The following NOL6 variants were observed in gnomAD, a reference collection of about 807,000 sequenced individuals.
NOL6 encodes the protein nucleolar RNA-associated protein.
Under a neutral mutation model 131.7 loss-of-function variants are expected in NOL6, and 33 were observed. The observed-to-expected ratio is 0.25, with a 90% CI of 0.19 to 0.33. The LOEUF (loss-of-function observed/expected upper bound fraction) is 0.33, where lower values mean the gene tolerates loss of function less well. NOL6 is among the 10% of genes least tolerant of loss of function. NOL6 has a pLI of 1.00. For missense variants in NOL6, 1,297 were observed against 1,494.5 expected, an observed-to-expected ratio of 0.87 and a Z score of 2.18; for synonymous variants, 580 against 605.7, an observed-to-expected ratio of 0.96 and a Z score of 0.62.
At chr9:33,463,710 C>T in intron 23 of NOL6, 121 bp downstream of exon 23, 1 of 1,093,200 alleles carries the variant, frequency 9.1e-7, no homozygotes. Flanking sequence ...GCAGCTTCAA[C>T]ACCTCCTCTG....
chr9:33,466,141 A>T lies in NOL6; in HGVS notation c.2294T>A (p.Leu765Gln). ...ATGCTGTTGTGTCAACAGCTCTGCCAGGCGCAGCTGGAAGGCAGCTCGGAC... is the reference window on the plus strand; with the variant it reads ...ATGCTGTTGTGTCAACAGCTCTGCCTGGCGCAGCTGGAAGGCAGCTCGGAC... ...QRVRAAFQLR[L>Q]AELLTQQHGL... is the part of the protein sequence containing the mutation. The change falls in exon 18 of 26, where the codon CTG becomes CAG. Residue 765 changes from leucine to glutamine, a missense_variant. Leu to Gln is a moderately radical substitution (Grantham distance 113, BLOSUM62 -2). Transcript: ENST00000297990. The T allele has an allele frequency of 6.2e-7, 1 of 1,613,168 alleles. No individual in the cohort carries two copies. The highest frequency in any genetic ancestry group is 8.5e-7 in the Non-Finnish European group (1 of 1,179,694).
In NOL6 at chr9:33,471,951, C is replaced by T. The variant is rs560951696; in HGVS notation, c.378+53G>A. 4.0e-6 allele frequency: 5 copies of T among 1,237,516 alleles called. No individual in the cohort carries two copies. The Admixed American group carries it at 5.0e-5, about 12-fold the overall frequency. The allele number at this position is 1,237,516 out of a possible 1,614,324, so 76.7% of individuals were successfully genotyped here. On this transcript the variant is annotated intron_variant, in intron 3 of 25. Transcript: ENST00000297990. Reference sequence around the variant, plus strand: ...AACAGCAAGGCCCCTGTTTGATATACCCCCACTGGAGGTCTCTCTTGGGCT... The same window carrying T: ...AACAGCAAGGCCCCTGTTTGATATATCCCCACTGGAGGTCTCTCTTGGGCT...
Position 33,463,240 on chromosome 9 carries a change from G to A in NOL6, c.3189+7C>T, listed in dbSNP as rs1827145946. On this transcript the variant is annotated splice_region_variant and intron_variant, in intron 24 of 25. Transcript: ENST00000297990. Reference sequence around the variant, plus strand: ...CTCCCCAGGTCATTCAGCTGTTTAGGACCAACCCTGAGCTGCGTCAGATAG... The same window carrying A: ...CTCCCCAGGTCATTCAGCTGTTTAGAACCAACCCTGAGCTGCGTCAGATAG... 2 of 1,613,348 alleles carry A rather than the reference G, an allele frequency of 1.2e-6. No homozygotes were observed. The highest frequency in any genetic ancestry group is 2.2e-5 in the South Asian group (2 of 91,004).
intron 5 of NOL6, 37 bp from the exon 6 acceptor site, chr9:33,469,378 C>A (rs1325229942): frequency 1.7e-5 from 27 of 1,613,232 alleles, no homozygotes; most frequent in South Asian, 3.3e-5. Flanking sequence ...TCTGCAGGAG[C>A]CCTTGGAGCC....
At chr9:33,463,519 C>A (rs1370672444) in intron 23 of NOL6, 78 bp from the exon 24 acceptor site, 1 of 1,337,028 alleles carries the variant, frequency 7.5e-7, no homozygotes, top group Non-Finnish European at 1.0e-6. Context: ...CACACGCCCA[C>A]CTTGGTTTCC....
chr9:33,465,344 GTGC>G lies in NOL6; in HGVS notation c.2541_2543del (p.Gln847del), dbSNP rs1392246886. On this transcript the variant is annotated inframe_deletion, in exon 20 of 26. Transcript: ENST00000297990. ...GCCGTGCCACACCAGAGAAGGCTGG[GTGC>G]TGCTGCTGCAGTCTGCAGAGAGAAG... 6.3e-7 allele frequency: 1 copy of G among 1,590,028 alleles called. No homozygotes were observed.
intron 1 of NOL6, among the ~76,000 whole-genome samples, chr9:33,473,161 C>T (rs540481205): frequency 1.3e-5 from 2 of 152,146 alleles, no homozygotes; most frequent in South Asian, 2.1e-4. Context: ...TCAGTTTACA[C>T]TAAATACTCA....
Position 33,462,618 on chromosome 9 carries a change from G to A in NOL6, c.*46C>T. 6.2e-7 allele frequency: 1 copy of A among 1,605,120 alleles called. No homozygotes were observed. The highest frequency in any genetic ancestry group is 8.5e-7 in the Non-Finnish European group (1 of 1,173,392). On this transcript the variant is annotated 3_prime_UTR_variant, in exon 26 of 26. Transcript: ENST00000297990. ...CATCCTACTGACATCTTGCTCTAGA[G>A]GTCCAATGTCCTGCTGTCCGTCTAC... is the stretch of plus-strand genomic sequence containing the variant.
Position 33,469,346 on chromosome 9 carries a change from CAG to C in NOL6, c.728-7_728-6del. 2 of 1,614,030 alleles carry C rather than the reference CAG, an allele frequency of 1.2e-6. No individual in the cohort carries two copies. Among genetic ancestry groups the C allele is most frequent in the Non-Finnish European group, 8.5e-7 (1 of 1,179,994 alleles). On this transcript the variant is annotated splice_region_variant and splice_polypyrimidine_tract_variant and intron_variant, in intron 5 of 25. Coordinates refer to ENST00000297990, the MANE Select transcript of NOL6 (RefSeq NM_022917.5). Reference sequence around the variant, plus strand: ...TGACCAGGCGCTCATCCTTTCCTGCCAGAGACAGTGAGTGCTGAGACTCTGCA... The same window carrying C: ...TGACCAGGCGCTCATCCTTTCCTGCCAGACAGTGAGTGCTGAGACTCTGCA...
chr9:33,465,304 C>T lies in NOL6; in HGVS notation c.2584G>A (p.Val862Met), dbSNP rs535198587. Reference protein sequence around the residue: ...SGVARLAKRWVRAQLLGEGFA... With the variant: ...SGVARLAKRWMRAQLLGEGFA... ...CCCTCACCAAGAAGCTGGGCACGCA[C>T]CCACCGCTTGGCCAGCCGTGCCACA... The change falls in exon 20 of 26, where the codon GTG becomes ATG. Residue 862 changes from valine (V) to methionine (M), a missense_variant. Coordinates refer to ENST00000297990, the MANE Select transcript of NOL6 (RefSeq NM_022917.5). 8.2e-6 allele frequency: 13 copies of T among 1,590,850 alleles called. No individual in the cohort carries two copies. The South Asian group carries it at 1.4e-4, about 17-fold the overall frequency.
chr9:33,470,062 T>G lies in NOL6; in HGVS notation c.508A>C (p.Thr170Pro). The change falls in exon 4 of 26, where the codon ACC becomes CCC. Residue 170 changes from threonine (T) to proline (P), a missense_variant. Thr to Pro is a conservative substitution (Grantham distance 38). Transcript: ENST00000297990. ...ACATTGATGTCTGGTCGGATGCAGG[T>G]GCCCAGAAGGTAGCTGCCCACAACA... Reference protein sequence around the residue: ...VTVVGSYLLGTCIRPDINVDV... With the variant: ...VTVVGSYLLGPCIRPDINVDV... 6.2e-7 allele frequency: 1 copy of G among 1,612,032 alleles called. No individual in the cohort carries two copies. The highest frequency in any genetic ancestry group is 8.5e-7 in the Non-Finnish European group (1 of 1,178,804).
intron 3 of NOL6, among the ~76,000 whole-genome samples, chr9:33,471,375 A>G (rs1289450757): frequency 6.6e-6 from 1 of 152,248 alleles, no homozygotes; most frequent in Non-Finnish European, 1.5e-5. Flanking sequence ...CAAAGTCCCT[A>G]CTTCGGGACA....
chr9:33,469,638 G>C lies in NOL6; in HGVS notation c.588C>G (p.Asn196Lys). ...GGGCACGCTTGCGGAAGTAGCGCTG[G>C]TTCAGCCCGTCCTTGTCCTGTAGGA... ...REILQDKDGL[N>K]QRYFRKRALY... The change falls in exon 5 of 26, where the codon AAC becomes AAG. Residue 196 changes from asparagine to lysine, a missense_variant. Asn to Lys is a moderately conservative substitution (Grantham distance 94, BLOSUM62 0). Coordinates refer to ENST00000297990, the MANE Select transcript of NOL6 (RefSeq NM_022917.5). The C allele has an allele frequency of 6.2e-7, 1 of 1,613,120 alleles. No individual in the cohort carries two copies. The highest frequency in any genetic ancestry group is 8.5e-7 in the Non-Finnish European group (1 of 1,179,682).
chr9:33,470,326 T>A, intron 3 of NOL6, 135 bp from the exon 4 acceptor site: 3 of 769,704 alleles, frequency 3.9e-6, no homozygotes, highest in Non-Finnish European at 5.6e-6. Flanking sequence ...ATGTCTTCCT[T>A]GCTAAGACAA....
In NOL6 at chr9:33,468,845, C is replaced by T. The variant is rs370746041; in HGVS notation, c.1054G>A (p.Val352Ile). ...KGQGGFTGFL[V>I]SMLVVFLVST... The stretch of plus-strand genomic sequence containing the variant: ...ACAAGGAAGACAACCAGCATGGAGA[C>T]AAGGAACCCAGTAAACCCACCCTGG... Residue 352 changes from valine to isoleucine, a missense_variant, in exon 8 of 26, where the codon GTC becomes ATC. Physicochemically the swap from Val to Ile is conservative, Grantham distance 29. Transcript: ENST00000297990. 5 of 1,614,096 alleles carry T rather than the reference C, an allele frequency of 3.1e-6. No homozygotes were observed. Among genetic ancestry groups the T allele is most frequent in the Non-Finnish European group, 4.2e-6 (5 of 1,180,004 alleles).
chr9:33,464,896 A>G lies in NOL6; in HGVS notation c.2762T>C (p.Leu921Pro), dbSNP rs779247221. Residue 921 changes from leucine to proline, a missense_variant, in exon 21 of 26, where the codon CTC (leucine) becomes CCC (proline). By Grantham distance (98) the Leu-to-Pro change is moderately conservative. Coordinates refer to ENST00000297990, the MANE Select transcript of NOL6 (RefSeq NM_022917.5). ...CCACTTACCAGTGAGCTCATTATTG[A>G]GGTTGACAAAGAGGGGGTTGTTCTT... ...DWKNNPLFVN[L>P]NNELTVEEQV... 1.2e-6 allele frequency: 2 copies of G among 1,613,184 alleles called. No homozygotes were observed. Among genetic ancestry groups the G allele is most frequent in the Admixed American group, 3.3e-5 (2 of 59,992 alleles).
At position 33,469,126 on chromosome 9, in the gene NOL6, G is replaced by A. The variant is rs1355940916; in HGVS notation, c.863-5C>T. 6.2e-7 allele frequency: 1 copy of A among 1,614,106 alleles called. No individual in the cohort carries two copies. The highest frequency in any genetic ancestry group is 8.5e-7 in the Non-Finnish European group (1 of 1,180,014). ...GGGTAGGAGGCTCTGGGCTACCTGT[G>A]GGATGAAAAGGGAAGCCATGAGAGG... On this transcript the variant is annotated splice_polypyrimidine_tract_variant and splice_region_variant and intron_variant, in intron 6 of 25. Transcript: ENST00000297990.
At chr9:33,464,678 C>T (rs892049760) in intron 21 of NOL6, among the ~76,000 whole-genome samples, 4 of 152,192 alleles carry the variant, frequency 2.6e-5, no homozygotes, top group Non-Finnish European at 5.9e-5. Context: ...TTGCTTACCA[C>T]CCTATCATTC....
At chr9:33,470,278 G>T in intron 3 of NOL6, 87 bp from the exon 4 acceptor site, 1 of 1,190,734 alleles carries the variant, frequency 8.4e-7, no homozygotes, top group Non-Finnish European at 1.1e-6. Flanking sequence ...TTAACACATC[G>T]ATATGTTTGA....
Sources: allele counts gnomAD v4.1 joint callset (sites outside exome capture counted in the v4.1 genomes callset), GRCh38; gene constraint gnomAD v4.1.1; transcripts MANE v1.5; gene names NCBI Gene and HGNC (gene_info 2026-07-23, HGNC 2026-07-21).